NFIB: variants seen among roughly 807,000 people sequenced by gnomAD.
NFIB encodes nuclear factor 1 B-type.
NFIB carries 11 observed loss-of-function variants against 61.5 expected under a neutral mutation model. The ratio of observed to expected loss-of-function variants is 0.18; its 90% CI spans 0.11 to 0.30. The LOEUF (loss-of-function observed/expected upper bound fraction) is 0.30, where lower values mean the gene tolerates loss of function less well. Among genes scored for constraint, NFIB ranks in the 10% least tolerant of loss-of-function variants. NFIB has a pLI of 1.00. For missense variants in NFIB, 471 were observed against 608.9 expected (o/e 0.77, Z 2.38); for synonymous variants, 260 against 216.5 (o/e 1.20, Z -1.76).
intron 3 of NFIB, among the ~76,000 whole-genome samples, chr9:14,173,888 T>A (rs1170961979): frequency 6.6e-6 from 1 of 152,220 alleles, no homozygotes; most frequent in Non-Finnish European, 1.5e-5. Context: ...ATAATCAGGC[T>A]AGAAGCACTG....
In NFIB at chr9:14,141,902, C is replaced by CAAAAAAAAAA. The variant is rs1207435536; in HGVS notation, c.925+4777_925+4786dup. ...TTGCAATAAATCTTGCTGCTGCTCA[C>CAAAAAAAAAA]AAAAAAAAAAAAAAAAAAAAAAAAC... On this transcript the variant is annotated intron_variant, in intron 6 of 10. Transcript: ENST00000380953. Among the ~76,000 whole-genome samples, 92 of 53,528 alleles carry CAAAAAAAAAA rather than the reference C, an allele frequency of 1.7e-3. 1 individual carries two copies. The highest frequency in any genetic ancestry group is 5.6e-3 in the African/African-American group (78 of 13,814). The allele number at this position is 53,528 out of a possible 152,430, so 35.1% of individuals were successfully genotyped here. A position where few individuals can be genotyped will look rare whatever the true frequency, so the allele number is the denominator to read the frequency against.
chr9:14,230,003 A>C (rs1332891561), intron 2 of NFIB, among the ~76,000 whole-genome samples: 1 of 152,094 alleles, frequency 6.6e-6, no homozygotes, highest in East Asian at 1.9e-4. Flanking sequence ...GGGTTTCTCC[A>C]ATGTCGTTCA....
chr9:14,171,653 T>C (rs912102351), intron 3 of NFIB, among the ~76,000 whole-genome samples: 1 of 152,110 alleles, frequency 6.6e-6, no homozygotes, highest in Non-Finnish European at 1.5e-5. Context: ...GGTATCTAGA[T>C]AGGATTCTGG....
chr9:14,438,901 G>C, the NFIB span, among the ~76,000 whole-genome samples: 1 of 152,060 alleles, frequency 6.6e-6, no homozygotes, highest in Non-Finnish European at 1.5e-5. Flanking sequence ...GTGGAGAGAG[G>C]GATTGCTGAG....
At chr9:14,209,078 G>A (rs1207097206) in intron 2 of NFIB, among the ~76,000 whole-genome samples, 1 of 152,110 alleles carries the variant, frequency 6.6e-6, no homozygotes, top group African/African-American at 2.4e-5. Flanking sequence ...AAATTATGTT[G>A]CCTCTGTCTT....
chr9:14,267,210 T>C (rs58059247), intron 2 of NFIB, among the ~76,000 whole-genome samples: 2,624 of 152,268 alleles, frequency 0.017, 82 homozygotes, highest in African/African-American at 0.06. Flanking sequence ...AAAAAGGTAG[T>C]TTTATACAAA....
intron 5 of NFIB, among the ~76,000 whole-genome samples, chr9:14,148,503 CA>C (rs1397418555): frequency 6.6e-6 from 1 of 152,084 alleles, no homozygotes; most frequent in Non-Finnish European, 1.5e-5. Context: ...CTTTTCGCAG[CA>C]ATAATAACCA....
At chr9:14,204,445 G>C in intron 2 of NFIB, 2 of 1,094,374 alleles carry the variant, frequency 1.8e-6, no homozygotes, top group South Asian at 2.5e-5. Context: ...TGCAGCGGCA[G>C]AGAGTCATCC....
intron 3 of NFIB, among the ~76,000 whole-genome samples, 168 bp from the exon 4 acceptor site, chr9:14,156,061 T>C (rs539037757): frequency 6.6e-6 from 1 of 152,330 alleles, no homozygotes; most frequent in South Asian, 2.1e-4. Context: ...TAGGTTTGTT[T>C]AAACAAAAAT....
intron 2 of NFIB, among the ~76,000 whole-genome samples, chr9:14,302,527 G>GT (rs1265278177): frequency 1.3e-5 from 2 of 152,176 alleles, no homozygotes; most frequent in Admixed American, 6.5e-5. Context: ...TAGCAATGAG[G>GT]TTTCTGGGCT....
chr9:14,439,420 G>C, the NFIB span, among the ~76,000 whole-genome samples: 1 of 152,186 alleles, frequency 6.6e-6, no homozygotes, highest in Non-Finnish European at 1.5e-5. Context: ...ATCTTTCTGT[G>C]TTTAAATTTC....
chr9:14,509,323 A>G, the NFIB span, among the ~76,000 whole-genome samples: 1 of 152,206 alleles, frequency 6.6e-6, no homozygotes, highest in Admixed American at 6.5e-5. Context: ...ATGAATGATA[A>G]TCTTTCTCCA....
intron 2 of NFIB, among the ~76,000 whole-genome samples, chr9:14,230,369 T>G (rs1001877998): frequency 3.9e-5 from 6 of 152,190 alleles, no homozygotes; most frequent in African/African-American, 1.4e-4. Context: ...TAACAAATAT[T>G]TGTTTAACAG....
chr9:14,501,524 C>G, the NFIB span, among the ~76,000 whole-genome samples: 1 of 152,214 alleles, frequency 6.6e-6, no homozygotes, highest in Non-Finnish European at 1.5e-5. Context: ...TTGGCCCTTC[C>G]TATTTCACAG....
the NFIB span, among the ~76,000 whole-genome samples, chr9:14,424,814 T>A: frequency 4.7e-3 from 717 of 152,230 alleles, 9 homozygotes; most frequent in Admixed American, 8.8e-3. Flanking sequence ...GTTTGACATA[T>A]CTGGGGATAA....
chr9:14,097,438 AC>A (rs1481225417), intron 10 of NFIB, among the ~76,000 whole-genome samples: 1 of 152,198 alleles, frequency 6.6e-6, no homozygotes, highest in Non-Finnish European at 1.5e-5. Flanking sequence ...TCCAGGAACA[AC>A]CCAGCTGTTG....
At chr9:14,215,076 A>T (rs1212863245) in intron 2 of NFIB, among the ~76,000 whole-genome samples, 1 of 152,248 alleles carries the variant, frequency 6.6e-6, no homozygotes, top group Non-Finnish European at 1.5e-5. Context: ...TAAGTATATT[A>T]CTTATAATTT....
chr9:14,213,201 GCA>G (rs2050493610), intron 2 of NFIB, among the ~76,000 whole-genome samples: 1 of 152,146 alleles, frequency 6.6e-6, no homozygotes, highest in East Asian at 1.9e-4. Context: ...GAAAGACTGG[GCA>G]CAGTCAGGTA....
the NFIB span, among the ~76,000 whole-genome samples, chr9:14,529,785 T>C: frequency 1.3e-5 from 2 of 152,302 alleles, no homozygotes; most frequent in South Asian, 4.1e-4. Context: ...CTAATGAAGA[T>C]TAAATACCAA....
Sources: gnomAD v4.1 joint callset for allele counts (sites outside exome capture counted in the v4.1 genomes callset) on GRCh38, gnomAD v4.1.1 for gene constraint, MANE v1.5 for transcripts, NCBI Gene and HGNC (gene_info 2026-07-23, HGNC 2026-07-21) for gene names.